The following SLC16A11 variants were observed in gnomAD, a reference collection of about 807,000 sequenced individuals.
The protein encoded by SLC16A11 is monocarboxylate transporter 11.
In SLC16A11, 24 loss-of-function variants were observed where a neutral mutation model predicts 26.0. The observed-to-expected ratio is 0.92, with a 90% CI of 0.67 to 1.30. The LOEUF (loss-of-function observed/expected upper bound fraction) is 1.30, where lower values mean the gene tolerates loss of function less well. Ranked by LOEUF, SLC16A11 falls within the 50% of genes most tolerant of loss-of-function variation. The probability of loss-of-function intolerance (pLI) is 0.00; values close to 1 mark genes in which losing one functional copy is unlikely to be tolerated. For synonymous variants in SLC16A11, 332 were observed against 296.0 expected (o/e 1.12, Z -1.25); for missense variants, 638 against 597.7 (o/e 1.07, Z -0.70).
In SLC16A11 at chr17:7,043,328, G is replaced by A. The variant is rs767458647; in HGVS notation, c.186C>T (p.Ala62=). The stretch of plus-strand genomic sequence containing the variant: ...CCCCCTCACTGGCTGCCTGCTGCAC[G>A]GCCAGGGCCAGGGCGCTGATCCACG... ...DTAWISALAL[A]VQQAASPVGS... Residue 62 remains alanine (A), a synonymous_variant, in exon 2 of 5, where the codon GCC becomes GCT. Transcript: ENST00000574600. 2 of 1,606,370 alleles carry A rather than the reference G, an allele frequency of 1.2e-6. No individual in the cohort carries two copies. Among genetic ancestry groups the A allele is most frequent in the South Asian group, 2.2e-5 (2 of 90,834 alleles).
chr17:7,043,767 C>G lies in SLC16A11; in HGVS notation c.-7+8G>C, dbSNP rs539858125. 9 of 641,502 alleles carry G rather than the reference C, an allele frequency of 1.4e-5. No homozygotes were observed. The East Asian group carries it at 2.2e-4, about 16-fold the overall frequency. The allele number at this position is 641,502 out of a possible 1,614,324, so 39.7% of individuals were successfully genotyped here. A position where few individuals can be genotyped will look rare whatever the true frequency, so the allele number is the denominator to read the frequency against. On this transcript the variant is annotated splice_region_variant and intron_variant, in intron 1 of 4. Coordinates refer to ENST00000574600, the MANE Select transcript of SLC16A11 (RefSeq NM_001370549.1). ...TTCCCCGTCCCACGCACACTCCTTC[C>G]CCCTTACCCGACCTCTCCGGGCGGT... is the stretch of plus-strand genomic sequence containing the variant.
At position 7,042,662 on chromosome 17, in the gene SLC16A11, C is replaced by T. The variant is rs765634216; in HGVS notation, c.448G>A (p.Gly150Arg). Residue 150 changes from glycine (G) to arginine (R), a missense_variant, in exon 4 of 5, where the codon GGG becomes AGG. Gly to Arg is a moderately radical substitution (Grantham distance 125, BLOSUM62 -2). Transcript: ENST00000574600. The surrounding 1 kb of genome is among the most constrained non-coding windows in gnomAD (Gnocchi z 5.9). ...LAVGLALTGN[G>R]ASSLLLAPAL... ...GGCGCCAGGAGCAGCGAGGAGGCCC[C>T]GTTGCCGGTGAGCGCCAGCCCCACC... 4 of 1,561,178 alleles carry T rather than the reference C, an allele frequency of 2.6e-6. No homozygotes were observed. The highest frequency in any genetic ancestry group is 3.5e-6 in the Non-Finnish European group (4 of 1,157,752).
chr17:7,042,002 G>GCCTC lies in SLC16A11; in HGVS notation c.1107_1108insGAGG (p.Leu370GlufsTer9). 1.3e-6 allele frequency: 2 copies of GCCTC among 1,581,062 alleles called. No individual in the cohort carries two copies. The highest frequency in any genetic ancestry group is 1.7e-4 in the Middle Eastern group (1 of 5,896). ...TGTGAGCTCAGGTCCTTACCTGACA[G>GCCTC]GGGAGGGCCCAGGAGCCCCCCGAGG... is the stretch of plus-strand genomic sequence containing the variant. On this transcript the variant is annotated frameshift_variant, in exon 4 of 5. Coordinates refer to ENST00000574600, the MANE Select transcript of SLC16A11 (RefSeq NM_001370549.1). LOFTEE classifies it low-confidence loss of function (END_TRUNC). The surrounding 1 kb of genome is among the most constrained non-coding windows in gnomAD (Gnocchi z 5.9).
chr17:7,043,769 C>T lies in SLC16A11; in HGVS notation c.-7+6G>A. 1 of 610,320 alleles carries T rather than the reference C, an allele frequency of 1.6e-6. No individual in the cohort carries two copies. Among genetic ancestry groups the T allele is most frequent in the East Asian group, 3.2e-5 (1 of 31,250 alleles). The allele number at this position is 610,320 out of a possible 1,614,324, so 37.8% of individuals were successfully genotyped here. A position where few individuals can be genotyped will look rare whatever the true frequency, so the allele number is the denominator to read the frequency against. On this transcript the variant is annotated splice_donor_region_variant and intron_variant, in intron 1 of 4. Coordinates refer to ENST00000574600, the MANE Select transcript of SLC16A11 (RefSeq NM_001370549.1). ...CCCCGTCCCACGCACACTCCTTCCC[C>T]CTTACCCGACCTCTCCGGGCGGTGC...
Position 7,042,005 on chromosome 17 carries a change from G to T in SLC16A11, c.1105C>A (p.Pro369Thr). ...GAGCTCAGGTCCTTACCTGACAGGGGAGGGCCCAGGAGCCCCCCGAGGCTC... is the reference window on the plus strand; with the variant it reads ...GAGCTCAGGTCCTTACCTGACAGGGTAGGGCCCAGGAGCCCCCCGAGGCTC... Reference protein sequence around the residue: ...LMSLGGLLGPPLSGFLRDETG... With the variant: ...LMSLGGLLGPTLSGFLRDETG... The change falls in exon 4 of 5, where the codon CCC (proline) becomes ACC (threonine). Residue 369 changes from proline to threonine, a missense_variant. Physicochemically the swap from Pro to Thr is conservative, Grantham distance 38. Coordinates refer to ENST00000574600, the MANE Select transcript of SLC16A11 (RefSeq NM_001370549.1). The surrounding 1 kb of genome is among the most constrained non-coding windows in gnomAD (Gnocchi z 5.9). The T allele has an allele frequency of 6.3e-7, 1 of 1,578,632 alleles. No individual in the cohort carries two copies. Among genetic ancestry groups the T allele is most frequent in the Non-Finnish European group, 8.6e-7 (1 of 1,158,972 alleles).
In SLC16A11 at chr17:7,041,766, G is replaced by C. The variant is rs527485841; in HGVS notation, c.1257C>G (p.Pro419=). 6.2e-7 allele frequency: 1 copy of C among 1,613,620 alleles called. No individual in the cohort carries two copies. Among genetic ancestry groups the C allele is most frequent in the Non-Finnish European group, 8.5e-7 (1 of 1,179,954 alleles). The change falls in exon 5 of 5, where the codon CCC becomes CCG. Residue 419 remains proline, a synonymous_variant. Transcript: ENST00000574600. ...CGGGAAGCAGCTCCCCCGTCTCTGG[G>C]GGAGGCGTGGCTGGAGGGGAGGCTG... is the stretch of plus-strand genomic sequence containing the variant. ...CGPASPPATP[P]PETGELLPAP...
chr17:7,043,551 C>A, intron 1 of SLC16A11, 32 bp from the exon 2 acceptor site: 2 of 1,577,156 alleles, frequency 1.3e-6, no homozygotes, highest in South Asian at 1.1e-5. Context: ...GTGAGAGAAG[C>A]CTCCACGCCT....
At chr17:7,043,196 C>A (rs533594678) in intron 2 of SLC16A11, 116 bp downstream of exon 2, 4 of 1,474,878 alleles carry the variant, frequency 2.7e-6, no homozygotes, top group African/African-American at 1.4e-5. Context: ...AAGATGCACT[C>A]TTTTCTAGAG....
chr17:7,043,242 T>G (rs1471880699), intron 2 of SLC16A11, 70 bp downstream of exon 2: 4 of 1,533,346 alleles, frequency 2.6e-6, no homozygotes, highest in Non-Finnish European at 2.6e-6. Context: ...GGTAATCAGG[T>G]GGGTCTCCCA....
rs1910793357 is a variant in SLC16A11, at chr17:7,042,407, A to G, written c.703T>C (p.Phe235Leu). ...GGAGCCAAGTGCACGTAAGGAACGAAGTACCCGCCCCCAACCAGGGCTGTG... is the reference window on the plus strand; with the variant it reads ...GGAGCCAAGTGCACGTAAGGAACGAGGTACCCGCCCCCAACCAGGGCTGTG... ...LGTALVGGGY[F>L]VPYVHLAPHA... The change falls in exon 4 of 5, where the codon TTC becomes CTC. Residue 235 changes from phenylalanine (F) to leucine (L), a missense_variant. Physicochemically the swap from Phe to Leu is conservative, Grantham distance 22. Coordinates refer to ENST00000574600, the MANE Select transcript of SLC16A11 (RefSeq NM_001370549.1). This position sits in a 1 kb window ranked among gnomAD's most constrained non-coding sequence, Gnocchi z 5.9. The G allele has an allele frequency of 6.4e-7, 1 of 1,561,594 alleles. No individual in the cohort carries two copies. Among genetic ancestry groups the G allele is most frequent in the Admixed American group, 1.9e-5 (1 of 52,850 alleles).
chr17:7,041,995 C>T lies in SLC16A11; in HGVS notation c.1114+1G>A. 6.3e-7 allele frequency: 1 copy of T among 1,582,714 alleles called. No individual in the cohort carries two copies. The highest frequency in any genetic ancestry group is 1.1e-5 in the South Asian group (1 of 87,130). ...GCAGATCTGTGAGCTCAGGTCCTTA[C>T]CTGACAGGGGAGGGCCCAGGAGCCC... On this transcript the variant is annotated splice_donor_variant, in intron 4 of 4. Transcript: ENST00000574600. LOFTEE classifies it high-confidence loss of function.
In SLC16A11 at chr17:7,042,576, C is replaced by T; in HGVS notation, c.534G>A (p.Ala178=). ...GWRGALLLLG[A]ITLHLTPCGA... ...CACAGGGGGTGAGGTGGAGGGTGATCGCGCCGAGGAGGAGCAGAGCGCCCC... is the reference window on the plus strand; with the variant it reads ...CACAGGGGGTGAGGTGGAGGGTGATTGCGCCGAGGAGGAGCAGAGCGCCCC... The change falls in exon 4 of 5, where the codon GCG becomes GCA. Residue 178 remains alanine (A), a synonymous_variant. Transcript: ENST00000574600. The surrounding 1 kb of genome is among the most constrained non-coding windows in gnomAD (Gnocchi z 5.9). 3 of 1,583,122 alleles carry T rather than the reference C, an allele frequency of 1.9e-6. No homozygotes were observed. Among genetic ancestry groups the T allele is most frequent in the Non-Finnish European group, 2.6e-6 (3 of 1,167,372 alleles).
In SLC16A11 at chr17:7,042,718, G is replaced by A. The variant is rs1374182254; in HGVS notation, c.392C>T (p.Ser131Leu). ...GACTCGACGGCGGGAGAAGTAACGC[G>A]AGAGGGTGCCTAGGGCGGGGGCGAA... ...LVFAPALGTLSRYFSRRRVLA... is the reference protein window; with the variant it reads ...LVFAPALGTLLRYFSRRRVLA... Residue 131 changes from serine (S) to leucine (L), a missense_variant, in exon 4 of 5, where the codon TCG becomes TTG. Coordinates refer to ENST00000574600, the MANE Select transcript of SLC16A11 (RefSeq NM_001370549.1). This position sits in a 1 kb window ranked among gnomAD's most constrained non-coding sequence, Gnocchi z 5.9. The A allele has an allele frequency of 1.3e-6, 2 of 1,545,892 alleles. No homozygotes were observed. Among genetic ancestry groups the A allele is most frequent in the Non-Finnish European group, 1.7e-6 (2 of 1,149,762 alleles).
In SLC16A11 at chr17:7,042,729, T is replaced by C. The variant is rs1425649146; in HGVS notation, c.381A>G (p.Leu127=). The part of the protein sequence containing the change: ...FGWALVFAPA[L]GTLSRYFSRR... ...GGGAGAAGTAACGCGAGAGGGTGCC[T>C]AGGGCGGGGGCGAACACCAGGGCCC... Residue 127 remains leucine (L), a synonymous_variant, in exon 4 of 5, where the codon CTA becomes CTG. Coordinates refer to ENST00000574600, the MANE Select transcript of SLC16A11 (RefSeq NM_001370549.1). This position sits in a 1 kb window ranked among gnomAD's most constrained non-coding sequence, Gnocchi z 5.9. The C allele has an allele frequency of 2.0e-5, 31 of 1,542,954 alleles. No individual in the cohort carries two copies. The Admixed American group carries it at 5.7e-4, about 28-fold the overall frequency.
rs762334931 is a variant in SLC16A11, at chr17:7,041,838, G to A, written c.1185C>T (p.Gly395=). The change falls in exon 5 of 5, where the codon GGC becomes GGT. Residue 395 remains glycine (G), a synonymous_variant. Coordinates refer to ENST00000574600, the MANE Select transcript of SLC16A11 (RefSeq NM_001370549.1). The part of the protein sequence containing the change: ...FLLSGSLILS[G]SFIYIGLPRA... ...TGGGCAACCCTATGTAGATGAAGCT[G>A]CCGGAGAGGATCAAAGAACCAGACA... The A allele has an allele frequency of 1.2e-6, 2 of 1,613,898 alleles. No individual in the cohort carries two copies. The highest frequency in any genetic ancestry group is 1.3e-5 in the African/African-American group (1 of 74,892).
At position 7,043,461 on chromosome 17, in the gene SLC16A11, G is replaced by A. The variant is rs1489548656; in HGVS notation, c.53C>T (p.Ala18Val). 3 of 1,596,992 alleles carry A rather than the reference G, an allele frequency of 1.9e-6. No homozygotes were observed. Among genetic ancestry groups the A allele is most frequent in the East Asian group, 2.2e-5 (1 of 44,524 alleles). The change falls in exon 2 of 5, where the codon GCG becomes GTG. Residue 18 changes from alanine to valine, a missense_variant. By Grantham distance (64) the Ala-to-Val change is moderately conservative (BLOSUM62 0). Transcript: ENST00000574600. ...CCCGTTTATCGCGAAGGCTGCGGCC[G>A]CCACCACCCAGCCCCAGCCCCCATC... ...PPDGGWGWVV[A>V]AAAFAINGLS... is the part of the protein sequence containing the mutation.
chr17:7,041,783 G>C lies in SLC16A11; in HGVS notation c.1240C>G (p.Pro414Ala). The C allele has an allele frequency of 6.2e-7, 1 of 1,613,732 alleles. No individual in the cohort carries two copies. Among genetic ancestry groups the C allele is most frequent in the Admixed American group, 1.7e-5 (1 of 60,006 alleles). Residue 414 changes from proline (P) to alanine (A), a missense_variant, in exon 5 of 5, where the codon CCT (proline) becomes GCT (alanine). Coordinates refer to ENST00000574600, the MANE Select transcript of SLC16A11 (RefSeq NM_001370549.1). Reference sequence around the variant, plus strand: ...GTCTCTGGGGGAGGCGTGGCTGGAGGGGAGGCTGGACCACAGGAGGGCAGC... The same window carrying C: ...GTCTCTGGGGGAGGCGTGGCTGGAGCGGAGGCTGGACCACAGGAGGGCAGC... ...RALPSCGPAS[P>A]PATPPPETGE...
chr17:7,043,793 G>A lies in SLC16A11; in HGVS notation c.-25C>T. ...CCCTTACCCGACCTCTCCGGGCGGT[G>A]CGGGGAGGGGAAGGGTGAGGAAGGG... On this transcript the variant is annotated 5_prime_UTR_variant, in exon 1 of 5. Coordinates refer to ENST00000574600, the MANE Select transcript of SLC16A11 (RefSeq NM_001370549.1). 1 of 555,568 alleles carries A rather than the reference G, an allele frequency of 1.8e-6. No homozygotes were observed. The highest frequency in any genetic ancestry group is 3.5e-5 in the South Asian group (1 of 28,872). The allele number at this position is 555,568 out of a possible 1,614,324, so 34.4% of individuals were successfully genotyped here.
chr17:7,041,726 A>T lies in SLC16A11; in HGVS notation c.1297T>A (p.Leu433Met). The T allele has an allele frequency of 6.2e-7, 1 of 1,613,110 alleles. No homozygotes were observed. The highest frequency in any genetic ancestry group is 8.5e-7 in the Non-Finnish European group (1 of 1,179,804). ...GELLPAPQAV[L>M]LSPGGPGSTL... ...GAGCCAGGGCCTCCTGGGGACAGCAAGACTGCCTGGGGAGCGGGAAGCAGC... is the reference window on the plus strand; with the variant it reads ...GAGCCAGGGCCTCCTGGGGACAGCATGACTGCCTGGGGAGCGGGAAGCAGC... Residue 433 changes from leucine to methionine, a missense_variant, in exon 5 of 5, where the codon TTG becomes ATG. Transcript: ENST00000574600.
Sources: allele counts gnomAD v4.1 joint callset, GRCh38; gene constraint gnomAD v4.1.1; non-coding constraint Gnocchi (gnomAD v3.1); transcripts MANE v1.5; gene names NCBI Gene and HGNC (gene_info 2026-07-23, HGNC 2026-07-21).